VPS13B: variants seen among roughly 807,000 people sequenced by gnomAD.
VPS13B encodes intermembrane lipid transfer protein VPS13B.
In VPS13B, 285 loss-of-function variants were observed where a neutral mutation model predicts 426.4. The ratio of observed to expected loss-of-function variants is 0.67; its 90% CI spans 0.61 to 0.74. The LOEUF is 0.74. Ranked by LOEUF, VPS13B falls within the 30% of genes least tolerant of loss-of-function variation. The probability of loss-of-function intolerance (pLI) is 0.00; values close to 1 mark genes in which losing one functional copy is unlikely to be tolerated. For missense variants in VPS13B, 4,537 were observed against 4,782.6 expected, an observed-to-expected ratio of 0.95 and a Z score of 1.51; for synonymous variants, 1,676 against 1,676.4, an observed-to-expected ratio of 1.00 and a Z score of 0.01.
chr8:99,733,287 A>G (rs1406516541), intron 39 of VPS13B, among the ~76,000 whole-genome samples: 1 of 152,202 alleles, frequency 6.6e-6, no homozygotes, highest in Non-Finnish European at 1.5e-5. Flanking sequence ...GTACAGAAAA[A>G]CAATGTCGTC....
chr8:99,649,764 G>A (rs116310286), intron 34 of VPS13B, among the ~76,000 whole-genome samples: 290 of 152,062 alleles, frequency 1.9e-3, no homozygotes, highest in Middle Eastern at 6.8e-3. Context: ...AAACCACAGG[G>A]GACTTAATTT....
intron 7 of VPS13B, chr8:99,120,680 G>A (rs1030580838): frequency 1.3e-5 from 2 of 152,110 alleles, no homozygotes; most frequent in African/African-American, 4.8e-5. Context: ...GATAATTCTT[G>A]TTTGGGCAGG....
At chr8:99,750,997 G>A (rs1300254790) in intron 39 of VPS13B, among the ~76,000 whole-genome samples, 1 of 151,956 alleles carries the variant, frequency 6.6e-6, no homozygotes, top group Admixed American at 6.6e-5. Flanking sequence ...CCAGAATTGG[G>A]GCCTAATTCC....
intron 17 of VPS13B, among the ~76,000 whole-genome samples, chr8:99,248,698 G>A (rs935078385): frequency 4.6e-5 from 7 of 152,136 alleles, no homozygotes; most frequent in Non-Finnish European, 7.4e-5. Flanking sequence ...TAAACTAAAA[G>A]GGATGTTAAA....
At chr8:99,580,898 C>T (rs1826019162) in intron 33 of VPS13B, among the ~76,000 whole-genome samples, 1 of 150,788 alleles carries the variant, frequency 6.6e-6, no homozygotes, top group African/African-American at 2.4e-5. Context: ...AATAATATCA[C>T]TTGGGAGGCC....
At chr8:99,220,831 A>G (rs1815670377) in intron 17 of VPS13B, among the ~76,000 whole-genome samples, 1 of 112,598 alleles carries the variant, frequency 8.9e-6, no homozygotes, top group African/African-American at 3.6e-5. Flanking sequence ...GTACATGTGC[A>G]CATTGTGCAG....
intron 3 of VPS13B, among the ~76,000 whole-genome samples, chr8:99,063,015 A>AT (rs200462811): frequency 0.014 from 2,071 of 152,224 alleles, 26 homozygotes; most frequent in Non-Finnish European, 0.024. Flanking sequence ...AGCAGGATGC[A>AT]TTTTTTTAGG....
At chr8:99,412,421 G>A (rs1383153822) in intron 21 of VPS13B, among the ~76,000 whole-genome samples, 2 of 152,150 alleles carry the variant, frequency 1.3e-5, no homozygotes, top group Non-Finnish European at 2.9e-5. Flanking sequence ...CATTGATTTT[G>A]TATCCTGAGA....
intron 30 of VPS13B, among the ~76,000 whole-genome samples, chr8:99,552,561 G>C (rs1824335647): frequency 6.7e-6 from 1 of 150,330 alleles, no homozygotes; most frequent in Non-Finnish European, 1.5e-5. Context: ...TTTGTGGGTT[G>C]GTTGGTTTTT....
intron 23 of VPS13B, 130 bp downstream of exon 23, chr8:99,442,765 A>G (rs1477473984): frequency 5.0e-6 from 4 of 805,122 alleles, no homozygotes; most frequent in Non-Finnish European, 8.0e-6. Flanking sequence ...TGACCAAAGT[A>G]AGTGAACTAA....
At position 99,761,294 on chromosome 8, in the gene VPS13B, A is replaced by G. The variant is rs529928066; in HGVS notation, c.7051-5480A>G. 1.1e-4 allele frequency among the ~76,000 whole-genome samples: 16 copies of G among 152,348 alleles called. No individual in the cohort carries two copies. In the East Asian group the frequency reaches 2.9e-3, roughly 28 times the overall value. Reference sequence around the variant, plus strand: ...AATATTCCAGCTGAAGTATGTAACTACAGAGCCAGCCTCACACAAGTTGTG... The same window carrying G: ...AATATTCCAGCTGAAGTATGTAACTGCAGAGCCAGCCTCACACAAGTTGTG... On this transcript the variant is annotated intron_variant, in intron 39 of 61. Transcript: ENST00000357162.
chr8:99,209,574 T>TC (rs1267705731), intron 17 of VPS13B: 3 of 283,844 alleles, frequency 1.1e-5, no homozygotes, highest in African/African-American at 6.9e-5. Context: ...CAATTTTTTT[T>TC]TTTTTTTTAC....
intron 51 of VPS13B, among the ~76,000 whole-genome samples, chr8:99,829,083 G>T (rs1343112520): frequency 6.6e-6 from 1 of 152,096 alleles, no homozygotes; most frequent in East Asian, 1.9e-4. Context: ...GTGTCTTGGG[G>T]TTGCTCTTCT....
At chr8:99,721,442 G>A (rs1181280418) in intron 39 of VPS13B, among the ~76,000 whole-genome samples, 1 of 152,124 alleles carries the variant, frequency 6.6e-6, no homozygotes, top group African/African-American at 2.4e-5. Context: ...AGAGATGACT[G>A]TAGTTTTCAT....
rs1032421791 is a variant in VPS13B, at chr8:99,727,572, C to A, written c.7050+6525C>A. ...GCAGCAGGCAAAGAGAGAGCTTGTG[C>A]AAAGAAACGCCTGTATTTAAAACCA... is the stretch of plus-strand genomic sequence containing the variant. On this transcript the variant is annotated intron_variant, in intron 39 of 61. Coordinates refer to ENST00000357162, the MANE Select transcript of VPS13B (RefSeq NM_152564.5). Among the ~76,000 whole-genome samples the A allele has an allele frequency of 2.0e-5, 3 of 152,244 alleles. No individual in the cohort carries two copies. The East Asian group carries it at 5.8e-4, about 29-fold the overall frequency.
rs180177366 is a variant in VPS13B at position 99,717,374 on chromosome 8, G to T, written c.6657+1G>T. ...TGACTTAAGAGGAGGTCTACTACAG[G>T]TCTGTGGGTATTGGCCATATTTTTT... On this transcript the variant is annotated splice_donor_variant, in intron 37 of 61. Transcript: ENST00000357162. LOFTEE classifies it high-confidence loss of function. 1.2e-6 allele frequency: 2 copies of T among 1,613,286 alleles called. No homozygotes were observed. Among genetic ancestry groups the T allele is most frequent in the African/African-American group, 2.7e-5 (2 of 74,852 alleles).
chr8:99,575,527 C>A, intron 31 of VPS13B, 131 bp from the exon 32 acceptor site: 2 of 1,073,326 alleles, frequency 1.9e-6, no homozygotes, highest in Non-Finnish European at 2.7e-6. Flanking sequence ...GTAAAATATG[C>A]AAATAGGCAC....
chr8:99,307,045 G>A (rs1001722294), intron 19 of VPS13B, among the ~76,000 whole-genome samples: 1 of 152,022 alleles, frequency 6.6e-6, no homozygotes, highest in African/African-American at 2.4e-5. Context: ...GTACACACAC[G>A]GATTTTTCAA....
intron 19 of VPS13B, among the ~76,000 whole-genome samples, chr8:99,325,643 G>A (rs1055821751): frequency 2.0e-5 from 3 of 152,096 alleles, no homozygotes; most frequent in Admixed American, 6.5e-5. Context: ...GCATCTCAGG[G>A]GAGAGTTATT....
Sources: gnomAD v4.1 joint callset for allele counts (sites outside exome capture counted in the v4.1 genomes callset) on GRCh38, gnomAD v4.1.1 for gene constraint, MANE v1.5 for transcripts, NCBI Gene and HGNC (gene_info 2026-07-23, HGNC 2026-07-21) for gene names.